Variants in NRG3 observed in about 807,000 individuals in gnomAD.
NRG3 encodes the protein neuregulin 3, also known as pro-neuregulin-3, membrane-bound isoform.
A neutral mutation model predicts 66.9 loss-of-function variants in NRG3; 31 were observed. That is an observed-to-expected ratio of 0.46 (90% CI 0.35 to 0.63). The LOEUF (loss-of-function observed/expected upper bound fraction) is 0.63, where lower values mean the gene tolerates loss of function less well. NRG3 is among the 20% of genes least tolerant of loss of function. NRG3 has a pLI of 0.00. For missense variants in NRG3, 910 were observed against 878.9 expected, an observed-to-expected ratio of 1.04 and a Z score of -0.45; for synonymous variants, 393 against 359.4, an observed-to-expected ratio of 1.09 and a Z score of -1.06.
chr10:82,444,013 T>C (rs978753269), intron 2 of NRG3, among the ~76,000 whole-genome samples: 3 of 152,182 alleles, frequency 2.0e-5, no homozygotes, highest in Non-Finnish European at 4.4e-5. Context: ...AGCTAATAAA[T>C]GAAAGAAGAA....
intron 2 of NRG3, among the ~76,000 whole-genome samples, chr10:82,363,541 C>T (rs1448479570): frequency 2.0e-5 from 3 of 152,276 alleles, no homozygotes; most frequent in Middle Eastern, 3.4e-3. Flanking sequence ...CTGCAAACTC[C>T]GCTTCCCAGG....
chr10:82,424,969 A>G (rs1006939516), intron 2 of NRG3, among the ~76,000 whole-genome samples: 1 of 151,970 alleles, frequency 6.6e-6, no homozygotes, highest in African/African-American at 2.4e-5. Flanking sequence ...TTATTTCTAG[A>G]CTCTCAAATC....
At chr10:82,877,371 C>CTTTTTTT (rs59994503) in intron 4 of NRG3, among the ~76,000 whole-genome samples, 1 of 78,998 alleles carries the variant, frequency 1.3e-5, no homozygotes, top group Non-Finnish European at 2.3e-5. Flanking sequence ...ATAGGGCAGA[C>CTTTTTTT]TTTTTTTTTT....
At chr10:82,184,039 T>C (rs2073628014) in intron 1 of NRG3, among the ~76,000 whole-genome samples, 1 of 152,132 alleles carries the variant, frequency 6.6e-6, no homozygotes, top group Non-Finnish European at 1.5e-5. Flanking sequence ...TAAGCAAATA[T>C]CCTTTTATCT....
intron 2 of NRG3, among the ~76,000 whole-genome samples, chr10:82,366,975 G>A (rs889245826): frequency 1.3e-5 from 2 of 152,234 alleles, no homozygotes; most frequent in Non-Finnish European, 2.9e-5. Context: ...TGTTAGCAGC[G>A]AATATGGAAC....
At chr10:82,649,745 C>T (rs765013751) in intron 2 of NRG3, among the ~76,000 whole-genome samples, 8 of 151,784 alleles carry the variant, frequency 5.3e-5, no homozygotes, top group Non-Finnish European at 1.0e-4. Context: ...TGAGCCACTG[C>T]GCCTGGCTGG....
At chr10:82,400,743 A>G (rs2087034801) in intron 2 of NRG3, among the ~76,000 whole-genome samples, 1 of 151,336 alleles carries the variant, frequency 6.6e-6, no homozygotes, top group Admixed American at 6.6e-5. Flanking sequence ...AATTTTTTTT[A>G]ATTTTATTTT....
At chr10:82,395,418 A>C (rs2086651023) in intron 2 of NRG3, among the ~76,000 whole-genome samples, 2 of 152,176 alleles carry the variant, frequency 1.3e-5, no homozygotes, top group Admixed American at 6.5e-5. Context: ...TGCTCACCTG[A>C]TTGAAATTCA....
At chr10:82,220,560 A>C (rs1490698286) in intron 1 of NRG3, among the ~76,000 whole-genome samples, 1 of 152,150 alleles carries the variant, frequency 6.6e-6, no homozygotes, top group Non-Finnish European at 1.5e-5. Flanking sequence ...CTGAGGGTGG[A>C]CATTGAGGAG....
intron 2 of NRG3, among the ~76,000 whole-genome samples, chr10:82,476,478 A>G (rs1841794411): frequency 6.6e-6 from 1 of 152,236 alleles, no homozygotes; most frequent in South Asian, 2.1e-4. Flanking sequence ...GGATGAATAC[A>G]TGAACAAAAT....
At position 82,697,139 on chromosome 10, in the gene NRG3, T is replaced by C. The variant is rs896556713; in HGVS notation, c.954-41438T>C. On this transcript the variant is annotated intron_variant, in intron 2 of 8. Transcript: ENST00000372141. ...TCATATTTGGGGTCTTATAAATTGCTCCTGTTTTAAGGAAGATCCAATAAT... is the reference window on the plus strand; with the variant it reads ...TCATATTTGGGGTCTTATAAATTGCCCCTGTTTTAAGGAAGATCCAATAAT... Among the ~76,000 whole-genome samples, 12 of 152,306 alleles carry C rather than the reference T, an allele frequency of 7.9e-5. No individual in the cohort carries two copies. The South Asian group carries it at 1.9e-3, about 24-fold the overall frequency.
intron 1 of NRG3, among the ~76,000 whole-genome samples, chr10:82,000,629 T>G (rs1261879694): frequency 6.6e-6 from 1 of 152,194 alleles, no homozygotes; most frequent in East Asian, 1.9e-4. Flanking sequence ...TGCCTGTATC[T>G]TCCTGGCTTC....
intron 1 of NRG3, among the ~76,000 whole-genome samples, chr10:82,352,342 G>A (rs757272176): frequency 2.6e-4 from 40 of 152,152 alleles, no homozygotes; most frequent in Non-Finnish European, 4.3e-4. Context: ...CATAGGGTGA[G>A]GCTCATTTTT....
chr10:81,895,577 AGTT>A (rs1843440080), intron 1 of NRG3, among the ~76,000 whole-genome samples: 1 of 152,196 alleles, frequency 6.6e-6, no homozygotes, highest in Non-Finnish European at 1.5e-5. Context: ...TGCCTGTAAT[AGTT>A]GTTTTTCTTT....
At chr10:82,501,466 A>G (rs12261361) in intron 2 of NRG3, among the ~76,000 whole-genome samples, 8,712 of 152,158 alleles carry the variant, frequency 0.057, 536 homozygotes, top group East Asian at 0.17. Context: ...CAGGCCCTCC[A>G]TGACCTGCCA....
chr10:82,199,021 T>G (rs1430812770), intron 1 of NRG3, among the ~76,000 whole-genome samples: 1 of 149,140 alleles, frequency 6.7e-6, no homozygotes, highest in East Asian at 2.0e-4. Flanking sequence ...GTACAAAAAT[T>G]TTCTGGGCGT....
chr10:82,361,750 T>C (rs2084153951), intron 2 of NRG3, among the ~76,000 whole-genome samples: 1 of 152,064 alleles, frequency 6.6e-6, no homozygotes, highest in Admixed American at 6.5e-5. Context: ...CAGGAGTATG[T>C]TTATGACATA....
intron 2 of NRG3, among the ~76,000 whole-genome samples, chr10:82,647,852 T>C (rs539619716): frequency 6.7e-6 from 1 of 149,830 alleles, no homozygotes; most frequent in African/African-American, 2.5e-5. Flanking sequence ...GATGGGGTTG[T>C]TTGTTTTTTT....
At chr10:82,892,167 T>C (rs1262154157) in intron 4 of NRG3, among the ~76,000 whole-genome samples, 4 of 152,036 alleles carry the variant, frequency 2.6e-5, no homozygotes, top group Admixed American at 6.5e-5. Flanking sequence ...TTTTGAAAGA[T>C]TTTTTAAATT....
Sources: allele counts gnomAD v4.1 joint callset (sites outside exome capture counted in the v4.1 genomes callset), GRCh38; gene constraint gnomAD v4.1.1; transcripts MANE v1.5; gene names NCBI Gene and HGNC (gene_info 2026-07-23, HGNC 2026-07-21).